KLC2: variants seen among roughly 807,000 people sequenced by gnomAD.
KLC2 encodes the protein KLC 2.
In KLC2, 35 loss-of-function variants were observed where a neutral mutation model predicts 75.1. The observed-to-expected ratio is 0.47, with a 90% confidence interval of 0.36 to 0.62. The LOEUF is 0.62. Ranked by LOEUF, KLC2 falls within the 20% of genes least tolerant of loss-of-function variation. The pLI, the probability that KLC2 is intolerant of heterozygous loss-of-function variation, is 0.00. For missense variants in KLC2, 611 were observed against 833.2 expected, an observed-to-expected ratio of 0.73 and a Z score of 3.28; for synonymous variants, 314 against 336.7, an observed-to-expected ratio of 0.93 and a Z score of 0.74.
chr11:66,263,470 G>A (rs1181780518), intron 5 of KLC2, among the ~76,000 whole-genome samples, 190 bp from the exon 6 acceptor site: 1 of 152,192 alleles, frequency 6.6e-6, no homozygotes, highest in Non-Finnish European at 1.5e-5. Context: ...GCGCACCCCA[G>A]CCAATTGTGA....
Position 66,264,057 on chromosome 11 carries a change from G to C in KLC2, c.954G>C (p.Lys318Asn), listed in dbSNP as rs1161175722. The change falls in exon 8 of 16, where the codon AAG becomes AAC. Residue 318 changes from lysine (K) to asparagine (N), a missense_variant. Coordinates refer to ENST00000394067, the MANE Select transcript of KLC2 (RefSeq NM_001318734.2). The stretch of plus-strand genomic sequence containing the variant: ...CTCTCCCATCCCAGGTCCTGGGCAA[G>C]TTTCACCCAGATGTGGCCAAGCAGC... ...ALEIREKVLGKFHPDVAKQLS... is the reference protein window; with the variant it reads ...ALEIREKVLGNFHPDVAKQLS... 6.2e-7 allele frequency: 1 copy of C among 1,607,956 alleles called. No individual in the cohort carries two copies. The highest frequency in any genetic ancestry group is 1.1e-5 in the South Asian group (1 of 90,460).
At position 66,263,931 on chromosome 11, in the gene KLC2, G is replaced by A. The variant is rs79498438; in HGVS notation, c.921G>A (p.Arg307=). ...AGGAGGCTGAGCCATTGTGCAAGCG[G>A]GCACTGGAGATCCGGGAGAAGGTGG... ...KYKEAEPLCK[R]ALEIREKVLG... The change falls in exon 7 of 16, where the codon CGG becomes CGA. Residue 307 remains arginine, a synonymous_variant. Transcript: ENST00000394067. The A allele has an allele frequency of 3.7e-3, 6,017 of 1,614,172 alleles. 223 individuals carry two copies. In the African/African-American group the frequency reaches 0.072, roughly 19 times the overall value.
chr11:66,250,813 G>A, the KLC2 span, among the ~76,000 whole-genome samples: 1 of 152,192 alleles, frequency 6.6e-6, no homozygotes, highest in South Asian at 2.1e-4. Context: ...AACCACACAG[G>A]GCTCAGTGCA....
upstream of KLC2, among the ~76,000 whole-genome samples, chr11:66,254,638 C>T (rs950342050): frequency 3.7e-5 from 5 of 133,652 alleles, no homozygotes; most frequent in African/African-American, 1.4e-4. Flanking sequence ...GCACTGCACC[C>T]TGGGTGACAG....
At position 66,263,712 on chromosome 11, in the gene KLC2, A is replaced by T; in HGVS notation, c.805A>T (p.Ile269Phe). 6.2e-7 allele frequency: 1 copy of T among 1,614,156 alleles called. No homozygotes were observed. Among genetic ancestry groups the T allele is most frequent in the Non-Finnish European group, 8.5e-7 (1 of 1,179,996 alleles). Residue 269 changes from isoleucine to phenylalanine, a missense_variant, in exon 6 of 16, where the codon ATC becomes TTC. By Grantham distance (21) the Ile-to-Phe change is conservative. Transcript: ENST00000394067. ...CCACCTGCTCAATGATGCTCTGGCC[A>T]TCCGGGAGAAAACACTGGGCAAGGA... Reference protein sequence around the residue: ...AAHLLNDALAIREKTLGKDHP... With the variant: ...AAHLLNDALAFREKTLGKDHP...
chr11:66,258,900 A>G, intron 2 of KLC2, 78 bp downstream of exon 2: 6 of 978,984 alleles, frequency 6.1e-6, no homozygotes, highest in Non-Finnish European at 7.7e-6. Context: ...AATGTAGGAG[A>G]AGAATCTGAG....
At chr11:66,245,355 C>T in the KLC2 span, among the ~76,000 whole-genome samples, 2 of 152,034 alleles carry the variant, frequency 1.3e-5, no homozygotes, top group Admixed American at 6.5e-5. Flanking sequence ...CCAAGGCAGG[C>T]GTTTTGCCCG....
the KLC2 span, among the ~76,000 whole-genome samples, chr11:66,246,475 C>A: frequency 6.6e-6 from 1 of 152,194 alleles, no homozygotes; most frequent in Admixed American, 6.5e-5. Context: ...CTGCTCCCAT[C>A]CTCGGGGCCC....
rs1856809260 is a variant in KLC2, at chr11:66,266,162, G to A, written c.1672G>A (p.Glu558Lys). 6.2e-7 allele frequency: 1 copy of A among 1,613,320 alleles called. No homozygotes were observed. Among genetic ancestry groups the A allele is most frequent in the Non-Finnish European group, 8.5e-7 (1 of 1,179,762 alleles). The change falls in exon 14 of 16, where the codon GAG becomes AAG. Residue 558 changes from glutamate (E) to lysine (K), a missense_variant. By Grantham distance (56) the Glu-to-Lys change is moderately conservative (BLOSUM62 1). Coordinates refer to ENST00000394067, the MANE Select transcript of KLC2 (RefSeq NM_001318734.2). The stretch of plus-strand genomic sequence containing the variant: ...CCGGGATGCCCTGAGGCGCAGCAGT[G>A]AGATGCTGGTAAAGAAGCTGCAGGG... ...KLRDALRRSSEMLVKKLQGGT... is the reference protein window; with the variant it reads ...KLRDALRRSSKMLVKKLQGGT...
intron 1 of KLC2, 101 bp from the exon 2 acceptor site, chr11:66,258,483 G>A: frequency 1.3e-6 from 1 of 759,520 alleles, no homozygotes; most frequent in East Asian, 2.6e-5. Flanking sequence ...GGGCACACGG[G>A]AGACTCAGGC....
chr11:66,259,300 C>A (rs1023927460), intron 2 of KLC2, among the ~76,000 whole-genome samples: 1 of 152,126 alleles, frequency 6.6e-6, no homozygotes, highest in African/African-American at 2.4e-5. Context: ...GAGAAAAGAA[C>A]AAGATTTTAT....
rs116994875 is a variant in KLC2 at position 66,262,766 on chromosome 11, G to C, written c.530-48G>C. The stretch of plus-strand genomic sequence containing the variant: ...GGCACAGCTGGCATGTGCCATCCCA[G>C]TCCAGTGGGCAGATGGTACATCTGA... On this transcript the variant is annotated intron_variant, in intron 4 of 15. Coordinates refer to ENST00000394067, the MANE Select transcript of KLC2 (RefSeq NM_001318734.2). 342 of 1,423,568 alleles carry C rather than the reference G, an allele frequency of 2.4e-4. 1 individual carries two copies. In the East Asian group the frequency reaches 5.8e-3, roughly 24 times the overall value. 88.2% of individuals were successfully genotyped at this position (1,423,568 alleles called of 1,614,324 possible).
In KLC2 at chr11:66,266,190, G is replaced by A; in HGVS notation, c.1700G>A (p.Gly567Asp). 3 of 1,610,346 alleles carry A rather than the reference G, an allele frequency of 1.9e-6. No homozygotes were observed. Among genetic ancestry groups the A allele is most frequent in the Non-Finnish European group, 2.5e-6 (3 of 1,178,614 alleles). The change falls in exon 14 of 16, where the codon GGC becomes GAC. Residue 567 changes from glycine (G) to aspartate (D), a missense_variant. Physicochemically the swap from Gly to Asp is moderately conservative, Grantham distance 94 (BLOSUM62 -1). Transcript: ENST00000394067. ...SEMLVKKLQG[G>D]TPQEPPNPRM... ...ATGCTGGTAAAGAAGCTGCAGGGGG[G>A]CACCCCCCAGGAGCCCCCTAACCCC...
intron 5 of KLC2, 26 bp downstream of exon 5, chr11:66,263,062 A>G (rs1193949547): frequency 1.3e-6 from 2 of 1,557,588 alleles, no homozygotes; most frequent in South Asian, 1.1e-5. Context: ...GGGTGCCCAA[A>G]TTCTTCTGGA....
At position 66,258,614 on chromosome 11, in the gene KLC2, C is replaced by T. The variant is rs1276207428; in HGVS notation, c.20C>T (p.Pro7Leu). 2 of 1,613,268 alleles carry T rather than the reference C, an allele frequency of 1.2e-6. No homozygotes were observed. The highest frequency in any genetic ancestry group is 2.7e-5 in the African/African-American group (2 of 74,942). The change falls in exon 2 of 16, where the codon CCG becomes CTG. Residue 7 changes from proline to leucine, a missense_variant. By Grantham distance (98) the Pro-to-Leu change is moderately conservative (BLOSUM62 -3). Transcript: ENST00000394067. The stretch of plus-strand genomic sequence containing the variant: ...ACAGCCATGGCCATGATGGTGTTTC[C>T]GCGGGAGGAGAAGCTGAGCCAGGAT... MAMMVF[P>L]REEKLSQDEI...
Position 66,264,129 on chromosome 11 carries a change from G to C in KLC2, c.1026G>C (p.Glu342Asp), listed in dbSNP as rs764821732. Residue 342 changes from glutamate (E) to aspartate (D), a missense_variant, in exon 8 of 16, where the codon GAG becomes GAC. Coordinates refer to ENST00000394067, the MANE Select transcript of KLC2 (RefSeq NM_001318734.2). ...GCCAGAACCAGGGCAAAGCTGAGGA[G>C]GTGGAATATTACTATCGGCGGGCAC... Reference protein sequence around the residue: ...LLCQNQGKAEEVEYYYRRALE... With the variant: ...LLCQNQGKAEDVEYYYRRALE... The C allele has an allele frequency of 6.3e-7, 1 of 1,598,056 alleles. No homozygotes were observed. Among genetic ancestry groups the C allele is most frequent in the South Asian group, 1.1e-5 (1 of 89,310 alleles).
chr11:66,258,166 G>A, intron 1 of KLC2: 1 of 173,060 alleles, frequency 5.8e-6, no homozygotes, highest in South Asian at 1.3e-4. Flanking sequence ...TCGGCTCGTC[G>A]GGAGGATGGG....
chr11:66,247,384 G>GCC, the KLC2 span, among the ~76,000 whole-genome samples: 2 of 152,170 alleles, frequency 1.3e-5, no homozygotes, highest in Non-Finnish European at 2.9e-5. Context: ...GTAAGCTGAA[G>GCC]CCTTACCTGT....
Position 66,263,749 on chromosome 11 carries a change from T to C in KLC2, c.840+2T>C. On this transcript the variant is annotated splice_donor_variant, in intron 6 of 15. Transcript: ENST00000394067. LOFTEE classifies it high-confidence loss of function. Reference sequence around the variant, plus strand: ...ACACTGGGCAAGGACCACCCAGCCGTGAGTGAGGGTTGGGTGGGAGGTGGG... The same window carrying C: ...ACACTGGGCAAGGACCACCCAGCCGCGAGTGAGGGTTGGGTGGGAGGTGGG... The C allele has an allele frequency of 6.2e-7, 1 of 1,612,876 alleles. No individual in the cohort carries two copies. The highest frequency in any genetic ancestry group is 8.5e-7 in the Non-Finnish European group (1 of 1,178,994).
Sources: allele counts gnomAD v4.1 joint callset (sites outside exome capture counted in the v4.1 genomes callset), GRCh38; gene constraint gnomAD v4.1.1; transcripts MANE v1.5; gene names NCBI Gene and HGNC (gene_info 2026-07-23, HGNC 2026-07-21).